FGFR4: variants seen among roughly 807,000 people sequenced by gnomAD.
FGFR4 encodes fibroblast growth factor receptor 4, also known as hydroxyaryl-protein kinase.
FGFR4 carries 63 observed loss-of-function variants against 89.9 expected under a neutral mutation model. The observed-to-expected ratio is 0.70, with a 90% CI of 0.57 to 0.86. FGFR4 has a LOEUF of 0.86. Among genes scored for constraint, FGFR4 ranks in the 40% least tolerant of loss-of-function variants. FGFR4 has a pLI of 0.00. For synonymous variants in FGFR4, 486 were observed against 479.4 expected, an observed-to-expected ratio of 1.01 and a Z score of -0.18; for missense variants, 928 against 1,106.7, an observed-to-expected ratio of 0.84 and a Z score of 2.29.
Position 177,095,392 on chromosome 5 carries a change from G to A in FGFR4, c.1582G>A (p.Gly528Ser), listed in dbSNP as rs1361563193. The A allele has an allele frequency of 1.1e-5, 18 of 1,614,042 alleles. No homozygotes were observed. Among genetic ancestry groups the A allele is most frequent in the African/African-American group, 1.3e-5 (1 of 74,912 alleles). ...VSEMEVMKLIGRHKNIINLLG... is the reference protein window; with the variant it reads ...VSEMEVMKLISRHKNIINLLG... ...GGAGATGGAGGTGATGAAGCTGATCGGCCGACACAAGAACATCATCAACCT... is the reference window on the plus strand; with the variant it reads ...GGAGATGGAGGTGATGAAGCTGATCAGCCGACACAAGAACATCATCAACCT... Residue 528 changes from glycine (G) to serine (S), a missense_variant, in exon 12 of 18, where the codon GGC becomes AGC. Coordinates refer to ENST00000292408, the MANE Select transcript of FGFR4 (RefSeq NM_213647.3). This position sits in a 1 kb window ranked among gnomAD's most constrained non-coding sequence, Gnocchi z 5.7.
Position 177,090,466 on chromosome 5 carries a change from C to T in FGFR4, c.168C>T (p.Cys56=), listed in dbSNP as rs762728948. The T allele has an allele frequency of 6.3e-7, 1 of 1,599,278 alleles. No homozygotes were observed. The highest frequency in any genetic ancestry group is 1.3e-5 in the African/African-American group (1 of 74,846). ...TVALGQPVRL[C]CGRAERGGHW... ...CCCTTGGGCAGCCTGTGCGTCTGTG[C>T]TGTGGGCGGGCTGAGCGTGGTGGCC... Residue 56 remains cysteine, a synonymous_variant, in exon 3 of 18, where the codon TGC becomes TGT. Transcript: ENST00000292408.
At chr5:177,096,263 A>G (rs1206193895) in intron 14 of FGFR4, 24 bp from the exon 15 acceptor site, 1 of 1,613,972 alleles carries the variant, frequency 6.2e-7, no homozygotes, top group South Asian at 1.1e-5. Flanking sequence ...GGGACTCTGC[A>G]CTGAGGCCCT....
intron 2 of FGFR4, 99 bp from the exon 3 acceptor site, chr5:177,090,291 A>G (rs442856): frequency 0.8 from 1,255,265 of 1,566,204 alleles, 505,568 homozygotes; most frequent in East Asian, 1. Context: ...CATGCGTTGC[A>G]AAGTGCTTGT....
At position 177,096,000 on chromosome 5, in the gene FGFR4, T is replaced by A. The variant is rs1307798906; in HGVS notation, c.1822-57T>A. ...TGCCCCCGGGCCTGCTGGGGGGTGG[T>A]GTGTGCTCAACTCCAGGCCAGGTGT... On this transcript the variant is annotated intron_variant, in intron 13 of 17. Coordinates refer to ENST00000292408, the MANE Select transcript of FGFR4 (RefSeq NM_213647.3). The surrounding 1 kb of genome is among the most constrained non-coding windows in gnomAD (Gnocchi z 5.7). 3.8e-6 allele frequency: 6 copies of A among 1,581,514 alleles called. No individual in the cohort carries two copies. The African/African-American group carries it at 6.7e-5, about 18-fold the overall frequency.
rs1164394252 is a variant in FGFR4, at chr5:177,097,810, G to GTGCCCT, written c.*143_*148dup. 8.8e-7 allele frequency: 1 copy of GTGCCCT among 1,138,536 alleles called. No individual in the cohort carries two copies. The highest frequency in any genetic ancestry group is 1.6e-5 in the African/African-American group (1 of 64,190). The allele number at this position is 1,138,536 out of a possible 1,614,324, so 70.5% of individuals were successfully genotyped here. On this transcript the variant is annotated 3_prime_UTR_variant, in exon 18 of 18. Coordinates refer to ENST00000292408, the MANE Select transcript of FGFR4 (RefSeq NM_213647.3). ...AGTTGCTGTGCCGTGTCCAAGGGCC[G>GTGCCCT]TGCCCTTGCCCTTGGAGCTGCCGTG...
In FGFR4 at chr5:177,098,098, C is replaced by T. The variant is rs186010393; in HGVS notation, c.*422C>T. 3.3e-5 allele frequency: 8 copies of T among 242,606 alleles called. No individual in the cohort carries two copies. The highest frequency in any genetic ancestry group is 5.4e-5 in the Admixed American group (1 of 18,572). 15.0% of individuals were successfully genotyped at this position (242,606 alleles called of 1,614,324 possible). On this transcript the variant is annotated 3_prime_UTR_variant, in exon 18 of 18. Transcript: ENST00000292408. This position sits in a 1 kb window ranked among gnomAD's most constrained non-coding sequence, Gnocchi z 4.5. ...GCCTGCCGAAAACAGGAGCAAATGGCGTTTTATAAATTATTTTTTTGAAAT... is the reference window on the plus strand; with the variant it reads ...GCCTGCCGAAAACAGGAGCAAATGGTGTTTTATAAATTATTTTTTTGAAAT...
In FGFR4 at chr5:177,090,816, C is replaced by T; in HGVS notation, c.427C>T (p.Pro143Ser). The change falls in exon 4 of 18, where the codon CCC becomes TCC. Residue 143 changes from proline (P) to serine (S), a missense_variant. Around this residue, in one of 5 missense-constraint regions of FGFR4, gnomAD observed 741 missense variants for 836.9 expected, o/e 0.89. Coordinates refer to ENST00000292408, the MANE Select transcript of FGFR4 (RefSeq NM_213647.3). ...GGACCCCTCGAATAGGCACAGTTAC[C>T]CCCAGCAAGGTCAGTAGGTCTCCAA... Reference protein sequence around the residue: ...HRDPSNRHSYPQQAPYWTHPQ... With the variant: ...HRDPSNRHSYSQQAPYWTHPQ... 1 of 1,614,104 alleles carries T rather than the reference C, an allele frequency of 6.2e-7. No homozygotes were observed. The highest frequency in any genetic ancestry group is 8.5e-7 in the Non-Finnish European group (1 of 1,179,976).
At chr5:177,088,972 G>A (rs1225617620) in intron 1 of FGFR4, among the ~76,000 whole-genome samples, 2 of 152,182 alleles carry the variant, frequency 1.3e-5, no homozygotes, top group South Asian at 2.1e-4. Context: ...TTACAAAACC[G>A]TGTGTGCCTC....
chr5:177,097,173 A>T, intron 16 of FGFR4, 119 bp from the exon 17 acceptor site: 1 of 693,652 alleles, frequency 1.4e-6, no homozygotes, highest in Non-Finnish European at 2.4e-6. Flanking sequence ...TCTACTGATG[A>T]CCCTCCTATC....
In FGFR4 at chr5:177,095,599, G is replaced by GC. The variant is rs1225914389; in HGVS notation, c.1703dup (p.Gly569ArgfsTer13). On this transcript the variant is annotated frameshift_variant, in exon 13 of 18. Transcript: ENST00000292408. LOFTEE classifies it high-confidence loss of function. The surrounding 1 kb of genome is among the most constrained non-coding windows in gnomAD (Gnocchi z 5.7). ...CTGCGGGAGTTCCTGCGGGCCCGGC[G>GC]CCCCCCAGGCCCCGACCTCAGCCCC... is the stretch of plus-strand genomic sequence containing the variant. The GC allele has an allele frequency of 7.5e-6, 12 of 1,604,654 alleles. No individual in the cohort carries two copies. Among genetic ancestry groups the GC allele is most frequent in the Admixed American group, 1.7e-5 (1 of 58,778 alleles).
Position 177,095,816 on chromosome 5 carries a change from CT to C in FGFR4, c.1821+98del. ...ATGTCCCGACTTCTCCCTCTCTGCTCTTTTTCATGACCCCACCTCAGTGTCC... is the reference window on the plus strand; with the variant it reads ...ATGTCCCGACTTCTCCCTCTCTGCTCTTTTCATGACCCCACCTCAGTGTCC... On this transcript the variant is annotated intron_variant, in intron 13 of 17. Transcript: ENST00000292408. This position sits in a 1 kb window ranked among gnomAD's most constrained non-coding sequence, Gnocchi z 5.7. The C allele has an allele frequency of 7.4e-7, 1 of 1,352,520 alleles. No homozygotes were observed. The highest frequency in any genetic ancestry group is 9.9e-7 in the Non-Finnish European group (1 of 1,008,768). 83.8% of individuals were successfully genotyped at this position (1,352,520 alleles called of 1,614,324 possible).
At chr5:177,090,148 G>GTGTT (rs1200985402) in intron 2 of FGFR4, 1 of 690,960 alleles carries the variant, frequency 1.4e-6, no homozygotes, top group Admixed American at 2.0e-5. Flanking sequence ...GTGTGTGTGT[G>GTGTT]TGTGTGTCTT....
At chr5:177,088,019 G>GT (rs1784210955) in intron 1 of FGFR4, among the ~76,000 whole-genome samples, 2 of 152,046 alleles carry the variant, frequency 1.3e-5, no homozygotes, top group East Asian at 1.9e-4. Context: ...AGACTTGCAG[G>GT]TTTTTTTGTT....
chr5:177,095,554 A>T lies in FGFR4; in HGVS notation c.1652A>T (p.Glu551Val). The stretch of plus-strand genomic sequence containing the variant: ...GCAGGGCCCCTGTACGTGATCGTGG[A>T]GTGCGCCGCCAAGGGAAACCTGCGG... ...TQEGPLYVIV[E>V]CAAKGNLREF... The change falls in exon 13 of 18, where the codon GAG (glutamate) becomes GTG (valine). Residue 551 changes from glutamate to valine, a missense_variant. Physicochemically the swap from Glu to Val is moderately radical, Grantham distance 121. Transcript: ENST00000292408. The surrounding 1 kb of genome is among the most constrained non-coding windows in gnomAD (Gnocchi z 5.7). The T allele has an allele frequency of 6.2e-7, 1 of 1,610,422 alleles. No individual in the cohort carries two copies. Among genetic ancestry groups the T allele is most frequent in the Non-Finnish European group, 8.5e-7 (1 of 1,178,500 alleles).
chr5:177,098,079 C>T lies in FGFR4; in HGVS notation c.*403C>T, dbSNP rs990302351. On this transcript the variant is annotated 3_prime_UTR_variant, in exon 18 of 18. Coordinates refer to ENST00000292408, the MANE Select transcript of FGFR4 (RefSeq NM_213647.3). This position sits in a 1 kb window ranked among gnomAD's most constrained non-coding sequence, Gnocchi z 4.5. ...GAGCCCAGAGAAGCTGGAAGCCTGC[C>T]GAAAACAGGAGCAAATGGCGTTTTA... 2 of 252,176 alleles carry T rather than the reference C, an allele frequency of 7.9e-6. No homozygotes were observed. The highest frequency in any genetic ancestry group is 1.5e-5 in the Non-Finnish European group (2 of 132,044). 15.6% of individuals were successfully genotyped at this position (252,176 alleles called of 1,614,324 possible).
At chr5:177,092,884 G>C in intron 8 of FGFR4, 100 bp downstream of exon 8, 4 of 1,570,078 alleles carry the variant, frequency 2.5e-6, no homozygotes, top group Non-Finnish European at 3.5e-6. Context: ...GGCCTGTGGG[G>C]TCTGGCCTGG....
intron 2 of FGFR4, 27 bp downstream of exon 2, chr5:177,089,720 G>C (rs762142979): frequency 1.9e-6 from 3 of 1,609,364 alleles, no homozygotes. Context: ...GGGAGAGGGT[G>C]GCAGGGGTGG....
At chr5:177,096,889 C>T in intron 16 of FGFR4, 148 bp downstream of exon 16, 4 of 825,478 alleles carry the variant, frequency 4.8e-6, no homozygotes, top group Non-Finnish European at 7.6e-6. Context: ...TCCTCCTCCT[C>T]TTCCTCCTCC....
At position 177,095,089 on chromosome 5, in the gene FGFR4, A is replaced by G. The variant is rs1582016730; in HGVS notation, c.1520-241A>G. Reference sequence around the variant, plus strand: ...GGAAGGCCTGCCTCTTAGATCCTTGATACAGTTGCATCCTTGCAACTGCTG... The same window carrying G: ...GGAAGGCCTGCCTCTTAGATCCTTGGTACAGTTGCATCCTTGCAACTGCTG... On this transcript the variant is annotated intron_variant, in intron 11 of 17. Transcript: ENST00000292408. This position sits in a 1 kb window ranked among gnomAD's most constrained non-coding sequence, Gnocchi z 5.7. 5 of 520,500 alleles carry G rather than the reference A, an allele frequency of 9.6e-6. No homozygotes were observed. The highest frequency in any genetic ancestry group is 5.8e-5 in the African/African-American group (3 of 52,132). The allele number at this position is 520,500 out of a possible 1,614,324, so 32.2% of individuals were successfully genotyped here.
Sources: gnomAD v4.1 joint callset for allele counts (sites outside exome capture counted in the v4.1 genomes callset) on GRCh38, gnomAD v4.1.1 for gene constraint, gnomAD v4.1.1 regional missense constraint, Gnocchi (gnomAD v3.1) non-coding constraint, MANE v1.5 for transcripts, NCBI Gene and HGNC (gene_info 2026-07-23, HGNC 2026-07-21) for gene names.